NUFIP1: variants seen among roughly 807,000 people sequenced by gnomAD.
NUFIP1 encodes nuclear FMR1 interacting protein 1.
Under a neutral mutation model 56.2 loss-of-function variants are expected in NUFIP1, and 38 were observed. The observed-to-expected ratio is 0.68, with a 90% CI of 0.52 to 0.89. NUFIP1 has a LOEUF of 0.89. NUFIP1 is among the 40% of genes least tolerant of loss of function. The pLI, the probability that NUFIP1 is intolerant of heterozygous loss-of-function variation, is 0.00. For missense variants in NUFIP1, 567 were observed against 605.8 expected, an observed-to-expected ratio of 0.94 and a Z score of 0.67; for synonymous variants, 215 against 212.4, an observed-to-expected ratio of 1.01 and a Z score of -0.10.
At chr13:44,959,218 T>G (rs1871337931) in intron 7 of NUFIP1, among the ~76,000 whole-genome samples, 163 bp downstream of exon 7, 1 of 152,216 alleles carries the variant, frequency 6.6e-6, no homozygotes, top group Admixed American at 6.5e-5. Flanking sequence ...TGTTCTGAAA[T>G]GACGTTTTAA....
intron 1 of NUFIP1, among the ~76,000 whole-genome samples, chr13:44,984,348 C>G (rs1194789249): frequency 6.6e-6 from 1 of 152,192 alleles, no homozygotes; most frequent in African/African-American, 2.4e-5. Context: ...ACAATAAACA[C>G]TAACTGTTTG....
At chr13:44,959,281 A>T in intron 7 of NUFIP1, 100 bp downstream of exon 7, 1 of 1,059,360 alleles carries the variant, frequency 9.4e-7, no homozygotes, top group Non-Finnish European at 1.4e-6. Flanking sequence ...GCATTGTTAT[A>T]CATTTGATAT....
chr13:44,982,167 A>G lies in NUFIP1; in HGVS notation c.413-13T>C. 1 of 1,242,760 alleles carries G rather than the reference A, an allele frequency of 8.0e-7. No homozygotes were observed. Among genetic ancestry groups the G allele is most frequent in the Non-Finnish European group, 1.1e-6 (1 of 909,416 alleles). 77.0% of individuals were successfully genotyped at this position (1,242,760 alleles called of 1,614,324 possible). On this transcript the variant is annotated splice_polypyrimidine_tract_variant and intron_variant, in intron 1 of 9. Transcript: ENST00000379161. The stretch of plus-strand genomic sequence containing the variant: ...TAAGAATTTTTAACTAAAAAAAAAA[A>G]GATCCATAAATGTTTGCAACAATGT...
chr13:44,978,576 G>A (rs1220601809), intron 5 of NUFIP1, among the ~76,000 whole-genome samples: 1 of 152,170 alleles, frequency 6.6e-6, no homozygotes, highest in Non-Finnish European at 1.5e-5. Flanking sequence ...TTCTTCCTTA[G>A]TAAGTGTAAA....
intron 6 of NUFIP1, among the ~76,000 whole-genome samples, chr13:44,961,081 G>GT (rs1487971854): frequency 6.7e-6 from 1 of 150,172 alleles, no homozygotes; most frequent in Non-Finnish European, 1.5e-5. Flanking sequence ...AAGAAAGCAC[G>GT]TATTTATGTG....
chr13:44,964,243 A>G (rs1179815882), intron 6 of NUFIP1, among the ~76,000 whole-genome samples: 1 of 152,188 alleles, frequency 6.6e-6, no homozygotes, highest in African/African-American at 2.4e-5. Flanking sequence ...AATAAATCAG[A>G]CTTCATGAAA....
chr13:44,983,407 C>T (rs1345567263), intron 1 of NUFIP1, among the ~76,000 whole-genome samples: 1 of 151,940 alleles, frequency 6.6e-6, no homozygotes, highest in Non-Finnish European at 1.5e-5. Flanking sequence ...GAACTCCTGA[C>T]CTCAAGTGAT....
rs1433476249 is a variant in NUFIP1, at chr13:44,989,011, G to GA, written c.412+13dup. 6.2e-7 allele frequency: 1 copy of GA among 1,612,996 alleles called. No homozygotes were observed. The highest frequency in any genetic ancestry group is 1.1e-5 in the South Asian group (1 of 90,986). ...AAAGGTAAAGGGGTCGACTCACGTG[G>GA]AAAAATAGCCTACCTGCAGGGTTGA... On this transcript the variant is annotated intron_variant, in intron 1 of 9. Transcript: ENST00000379161.
rs186180057 is a variant in NUFIP1 at position 44,943,378 on chromosome 13, C to G, written c.1371+64G>C. On this transcript the variant is annotated intron_variant, in intron 9 of 9. Transcript: ENST00000379161. ...CACACACACACACACACACACACAC[C>G]CCAGTGGCTCTATCTTTATGATGTG... 293 of 1,295,692 alleles carry G rather than the reference C, an allele frequency of 2.3e-4. 1 individual carries two copies. In the East Asian group the frequency reaches 5.3e-3, roughly 23 times the overall value. 80.3% of individuals were successfully genotyped at this position (1,295,692 alleles called of 1,614,324 possible). A position where few individuals can be genotyped will look rare whatever the true frequency, so the allele number is the denominator to read the frequency against.
At chr13:44,987,453 T>C (rs1393725357) in intron 1 of NUFIP1, among the ~76,000 whole-genome samples, 2 of 152,308 alleles carry the variant, frequency 1.3e-5, no homozygotes, top group Middle Eastern at 3.4e-3. Flanking sequence ...TATTTTTTAA[T>C]CAAGGTATGT....
intron 5 of NUFIP1, among the ~76,000 whole-genome samples, chr13:44,975,394 C>T (rs181938802): frequency 6.6e-6 from 1 of 152,146 alleles, no homozygotes; most frequent in Non-Finnish European, 1.5e-5. Context: ...TGTTCCCCAC[C>T]TCAGTAATAA....
At chr13:44,956,925 C>G (rs1444989323) in intron 7 of NUFIP1, among the ~76,000 whole-genome samples, 1 of 151,910 alleles carries the variant, frequency 6.6e-6, no homozygotes, top group Admixed American at 6.6e-5. Context: ...AGAGGAAATC[C>G]CAGGTAAAGG....
At chr13:44,944,790 C>T (rs1174879894) in intron 8 of NUFIP1, among the ~76,000 whole-genome samples, 1 of 151,976 alleles carries the variant, frequency 6.6e-6, no homozygotes, top group Non-Finnish European at 1.5e-5. Context: ...AACTAAACAA[C>T]ACACTTCTAA....
chr13:44,964,929 C>T (rs1185492263), intron 6 of NUFIP1, among the ~76,000 whole-genome samples: 1 of 152,120 alleles, frequency 6.6e-6, no homozygotes, highest in African/African-American at 2.4e-5. Flanking sequence ...AGGATGAAAC[C>T]GTTTCTAAGT....
chr13:44,949,480 C>A (rs575857120), intron 8 of NUFIP1, among the ~76,000 whole-genome samples: 1 of 152,112 alleles, frequency 6.6e-6, no homozygotes, highest in African/African-American at 2.4e-5. Flanking sequence ...GGATTACAGG[C>A]GTGAGCCACC....
At position 44,989,033 on chromosome 13, in the gene NUFIP1, T is replaced by C. The variant is rs148252991; in HGVS notation, c.404A>G (p.Asn135Ser). ...DRFPRHQKSF[N>S]PAVKNSYYPR... ...GTGGAAAAATAGCCTACCTGCAGGG[T>C]TGAAGGACTTCTGATGCCGAGGAAA... The change falls in exon 1 of 10, where the codon AAC becomes AGC. Residue 135 changes from asparagine to serine, a missense_variant. Asn to Ser is a conservative substitution (Grantham distance 46). Transcript: ENST00000379161. The C allele has an allele frequency of 1.1e-5, 17 of 1,613,546 alleles. No individual in the cohort carries two copies. In the African/African-American group the frequency reaches 1.6e-4, roughly 15 times the overall value.
intron 5 of NUFIP1, among the ~76,000 whole-genome samples, chr13:44,967,334 C>T (rs377135969): frequency 3.3e-5 from 5 of 151,838 alleles, no homozygotes; most frequent in African/African-American, 1.2e-4. Context: ...ACAGTGAAAC[C>T]CCATCCTATT....
In NUFIP1 at chr13:44,959,499, G is replaced by A. The variant is rs368322338; in HGVS notation, c.903C>T (p.Asn301=). Residue 301 remains asparagine, a synonymous_variant, in exon 7 of 10, where the codon AAC becomes AAT. Transcript: ENST00000379161. ...TGACTGCTCTCTGTCTAGAATTGTC[G>A]TTTTTCCATTTGTGATTCTTGCCAG... ...RSPGKNHKWK[N]DNSRQRAVTG... is the part of the protein sequence containing the mutation. 8.3e-5 allele frequency: 134 copies of A among 1,613,792 alleles called. No homozygotes were observed. The highest frequency in any genetic ancestry group is 1.9e-4 in the South Asian group (17 of 91,052).
chr13:44,971,221 A>T (rs776595390), intron 5 of NUFIP1, among the ~76,000 whole-genome samples: 16 of 152,172 alleles, frequency 1.1e-4, no homozygotes, highest in Non-Finnish European at 2.4e-4. Flanking sequence ...TAAACAAAGC[A>T]ACATCACAGG....
Sources: gnomAD v4.1 joint callset for allele counts (sites outside exome capture counted in the v4.1 genomes callset) on GRCh38, gnomAD v4.1.1 for gene constraint, MANE v1.5 for transcripts, NCBI Gene and HGNC (gene_info 2026-07-23, HGNC 2026-07-21) for gene names.